OVCH1: variants seen among roughly 807,000 people sequenced by gnomAD.
The protein encoded by OVCH1 is ovochymase-1.
In OVCH1, 139 loss-of-function variants were observed where a neutral mutation model predicts 138.4. The ratio of observed to expected loss-of-function variants is 1.00; its 90% CI spans 0.87 to 1.16. The LOEUF is 1.16. Ranked by LOEUF, OVCH1 falls within the 50% of genes most tolerant of loss-of-function variation. The pLI is 0.00. For synonymous variants in OVCH1, 453 were observed against 467.8 expected (o/e 0.97, Z 0.41); for missense variants, 1,367 against 1,357.9 (o/e 1.01, Z -0.11).
At chr12:29,444,321 T>A in intron 23 of OVCH1, 41 bp from the exon 24 acceptor site, 2 of 1,588,570 alleles carry the variant, frequency 1.3e-6, no homozygotes, top group Non-Finnish European at 1.7e-6. Context: ...ATAAAACCAA[T>A]TTTTAACAGG....
chr12:29,472,625 T>G (rs1942552227), intron 15 of OVCH1, among the ~76,000 whole-genome samples: 1 of 152,200 alleles, frequency 6.6e-6, no homozygotes, highest in African/African-American at 2.4e-5. Context: ...AATACATGTA[T>G]GTGGAACAAT....
At chr12:29,483,689 C>T (rs950220354) in intron 8 of OVCH1, among the ~76,000 whole-genome samples, 2 of 152,134 alleles carry the variant, frequency 1.3e-5, no homozygotes, top group Non-Finnish European at 2.9e-5. Context: ...CCAATCTTCC[C>T]CACCTCCTTG....
chr12:29,404,506 A>G, the OVCH1 span, among the ~76,000 whole-genome samples: 11 of 152,282 alleles, frequency 7.2e-5, no homozygotes, highest in African/African-American at 2.6e-4. Context: ...GATGCAACAG[A>G]TCTCTGAACT....
At chr12:29,421,359 TA>T (rs1281787863) in intron 3 of OVCH1, among the ~76,000 whole-genome samples, 2 of 152,230 alleles carry the variant, frequency 1.3e-5, no homozygotes, top group Non-Finnish European at 2.9e-5. Flanking sequence ...AAAAGTCTAT[TA>T]AAATTTCAGA....
chr12:29,445,424 T>C (rs1366765363), intron 22 of OVCH1, 21 bp from the exon 23 acceptor site: 7 of 1,584,170 alleles, frequency 4.4e-6, no homozygotes, highest in Admixed American at 1.8e-5. Flanking sequence ...AAGTGAACTC[T>C]AGTAAAAAAT....
At chr12:29,477,404 C>G in exon 11 of OVCH1, 4 of 1,613,992 alleles carry the variant, frequency 2.5e-6, no homozygotes, top group Non-Finnish European at 3.4e-6. Context: ...TCTTCTGTAT[C>G]AGAAACAAAT....
chr12:29,461,938 A>C (rs1339768877), exon 19 of OVCH1: 1 of 1,613,874 alleles, frequency 6.2e-7, no homozygotes, highest in Admixed American at 1.7e-5. Context: ...CAGAATAGTA[A>C]GTGTGTTCAC....
At chr12:29,438,602 A>G (rs1014138738) in intron 26 of OVCH1, among the ~76,000 whole-genome samples, 2 of 152,154 alleles carry the variant, frequency 1.3e-5, no homozygotes, top group African/African-American at 4.8e-5. Flanking sequence ...GTTTGTATGT[A>G]TTTGTGTGCC....
At chr12:29,441,719 T>G (rs1941489890) in intron 25 of OVCH1, among the ~76,000 whole-genome samples, 1 of 152,000 alleles carries the variant, frequency 6.6e-6, no homozygotes, top group Non-Finnish European at 1.5e-5. Flanking sequence ...CGCAACCTAC[T>G]CATCTGACAA....
In OVCH1 at chr12:29,491,024, A is replaced by G. The variant is rs1452049176; in HGVS notation, c.550+73T>C. ...ATGATAAATGTACTACTCATGGTCAACAAAATTATTTCTGCTTCCCCTGGA... is the reference window on the plus strand; with the variant it reads ...ATGATAAATGTACTACTCATGGTCAGCAAAATTATTTCTGCTTCCCCTGGA... On this transcript the variant is annotated intron_variant, in intron 5 of 27. Transcript: ENST00000318184. The G allele has an allele frequency of 6.9e-6, 9 of 1,299,214 alleles. No homozygotes were observed. In the African/African-American group the frequency reaches 1.0e-4, roughly 15 times the overall value. The allele number at this position is 1,299,214 out of a possible 1,614,324, so 80.5% of individuals were successfully genotyped here.
downstream of OVCH1, among the ~76,000 whole-genome samples, chr12:29,408,734 A>G (rs1440411692): frequency 1.4e-5 from 2 of 146,474 alleles, no homozygotes; most frequent in African/African-American, 2.5e-5. Flanking sequence ...GGATTTTTGC[A>G]TCAATGTTCA....
At chr12:29,419,327 A>T (rs1941072025) in intron 3 of OVCH1, among the ~76,000 whole-genome samples, 1 of 151,170 alleles carries the variant, frequency 6.6e-6, no homozygotes, top group African/African-American at 2.4e-5. Context: ...TCATTCTGTC[A>T]CCCAGGCTGG....
Position 29,475,060 on chromosome 12 carries a change from C to T in OVCH1, c.1600+1G>A. 1.9e-6 allele frequency: 3 copies of T among 1,582,866 alleles called. No homozygotes were observed. Among genetic ancestry groups the T allele is most frequent in the East Asian group, 2.3e-5 (1 of 43,960 alleles). ...CTTATTACACAAATGTTTATACTCACCTGAGGGCAAAATGGTAAATCTGGC... is the reference window on the plus strand; with the variant it reads ...CTTATTACACAAATGTTTATACTCATCTGAGGGCAAAATGGTAAATCTGGC... On this transcript the variant is annotated splice_donor_variant, in intron 14 of 27. Coordinates refer to ENST00000318184, the Ensembl canonical transcript of OVCH1. LOFTEE classifies it high-confidence loss of function.
Position 29,444,292 on chromosome 12 carries a change from G to A in OVCH1, c.2882-12C>T, listed in dbSNP as rs746935537. On this transcript the variant is annotated splice_polypyrimidine_tract_variant and intron_variant, in intron 23 of 27. Coordinates refer to ENST00000318184, the Ensembl canonical transcript of OVCH1. ...ACTGTCCTTTGGACCTAAAAGAACA[G>A]GAAGCAGAGAAAATGAGAATAAAAC... 2 of 1,608,276 alleles carry A rather than the reference G, an allele frequency of 1.2e-6. No individual in the cohort carries two copies. The highest frequency in any genetic ancestry group is 1.7e-6 in the Non-Finnish European group (2 of 1,177,248).
At chr12:29,432,455 A>T (rs1941286041) in intron 27 of OVCH1, among the ~76,000 whole-genome samples, 1 of 152,188 alleles carries the variant, frequency 6.6e-6, no homozygotes, top group East Asian at 1.9e-4. Flanking sequence ...AATTAGCAAA[A>T]TGGAGTTGCT....
At chr12:29,451,646 A>G in intron 21 of OVCH1, 77 bp from the exon 22 acceptor site, 3 of 1,162,652 alleles carry the variant, frequency 2.6e-6, no homozygotes, top group Non-Finnish European at 3.6e-6. Flanking sequence ...CACAAGACTG[A>G]AAAATCTAGG....
chr12:29,496,378 T>C, intron 2 of OVCH1, 100 bp from the exon 3 acceptor site: 1 of 1,209,502 alleles, frequency 8.3e-7, no homozygotes, highest in South Asian at 1.4e-5. Flanking sequence ...TGACATAATA[T>C]TCTTAAAATA....
rs558352304 is a variant in OVCH1 at position 29,415,248 on chromosome 12, AAAG to A, written c.*72-2526_*72-2524del. The stretch of plus-strand genomic sequence containing the variant: ...AAAGGATCAAGATAAGAAAGTAAGG[AAAG>A]AAGGGCTGAAAAGAAGGGGGAACGT... On this transcript the variant is annotated intron_variant and NMD_transcript_variant, in intron 3 of 4. Coordinates refer to the OVCH1 transcript ENST00000539117. 3.3e-3 allele frequency among the ~76,000 whole-genome samples: 506 copies of A among 152,296 alleles called. 5 individuals are homozygous for A. Among genetic ancestry groups the A allele is most frequent in the African/African-American group, 0.011 (442 of 41,566 alleles).
chr12:29,408,973 C>T (rs1940918056), downstream of OVCH1, among the ~76,000 whole-genome samples: 1 of 152,086 alleles, frequency 6.6e-6, no homozygotes, highest in Non-Finnish European at 1.5e-5. Context: ...TTGATTATTG[C>T]CACAATTTCA....
Sources: allele counts gnomAD v4.1 joint callset (sites outside exome capture counted in the v4.1 genomes callset), GRCh38; gene constraint gnomAD v4.1.1; transcripts MANE v1.5; gene names NCBI Gene and HGNC (gene_info 2026-07-23, HGNC 2026-07-21).